ST6GALNAC3: variants seen among roughly 807,000 people sequenced by gnomAD.
ST6GALNAC3 encodes alpha-N-acetylgalactosaminide alpha-2,6-sialyltransferase 3.
Under a neutral mutation model 32.7 loss-of-function variants are expected in ST6GALNAC3, and 25 were observed. That is an observed-to-expected ratio of 0.76 (90% CI 0.56 to 1.07). The LOEUF (loss-of-function observed/expected upper bound fraction) is 1.07, where lower values mean the gene tolerates loss of function less well. Among genes scored for constraint, ST6GALNAC3 ranks in the 50% least tolerant of loss-of-function variants. ST6GALNAC3 has a pLI of 0.00. For synonymous variants in ST6GALNAC3, 129 were observed against 133.1 expected, an observed-to-expected ratio of 0.97 and a Z score of 0.21; for missense variants, 355 against 382.4, an observed-to-expected ratio of 0.93 and a Z score of 0.60.
chr1:76,328,324 G>A (rs1475719109), intron 2 of ST6GALNAC3, among the ~76,000 whole-genome samples: 1 of 152,194 alleles, frequency 6.6e-6, no homozygotes, highest in East Asian at 1.9e-4. Context: ...TAGAGGAGTT[G>A]AGATTTTTAC....
At chr1:76,451,840 G>A (rs1188621537) in intron 3 of ST6GALNAC3, among the ~76,000 whole-genome samples, 1 of 152,032 alleles carries the variant, frequency 6.6e-6, no homozygotes, top group Non-Finnish European at 1.5e-5. Context: ...CATTTTCTAG[G>A]TATACAATTA....
chr1:76,119,630 C>T (rs528578136), intron 1 of ST6GALNAC3, among the ~76,000 whole-genome samples: 2 of 152,288 alleles, frequency 1.3e-5, no homozygotes, highest in African/African-American at 4.8e-5. Context: ...CTCTATCATA[C>T]TGGATATTTC....
chr1:76,392,249 G>A (rs1172691466), intron 2 of ST6GALNAC3, among the ~76,000 whole-genome samples: 3 of 152,146 alleles, frequency 2.0e-5, no homozygotes, highest in South Asian at 4.1e-4. Context: ...ATATAAATCA[G>A]TACATTAAGT....
rs1651572696 is a variant in ST6GALNAC3, at chr1:76,158,059, G to C, written c.18+83175G>C. Among the ~76,000 whole-genome samples, 3 of 152,126 alleles carry C rather than the reference G, an allele frequency of 2.0e-5. No homozygotes were observed. The South Asian group carries it at 6.2e-4, about 31-fold the overall frequency. On this transcript the variant is annotated intron_variant, in intron 1 of 4. Transcript: ENST00000328299. The stretch of plus-strand genomic sequence containing the variant: ...TGCTGCCTATTTTCCAATGAAATGG[G>C]TCCAGGAAGCCATCTGATAAATATT...
At chr1:76,399,167 A>G (rs1256813497) in intron 2 of ST6GALNAC3, among the ~76,000 whole-genome samples, 1 of 151,958 alleles carries the variant, frequency 6.6e-6, no homozygotes, top group Admixed American at 6.6e-5. Flanking sequence ...TTCACTTTTA[A>G]TGTCTTTTGA....
rs148532606 is a variant in ST6GALNAC3, at chr1:76,504,289, A to G, written c.623+91872A>G. On this transcript the variant is annotated intron_variant, in intron 3 of 4. Coordinates refer to ENST00000328299, the MANE Select transcript of ST6GALNAC3 (RefSeq NM_152996.4). ...ATGGAATTTCCCTGTGTGTCTTTTT[A>G]TCTGTTTCTTCTTCTCTTATAAGAA... Among the ~76,000 whole-genome samples, 1,209 of 152,096 alleles carry G rather than the reference A, an allele frequency of 7.9e-3. 12 individuals carry two copies. The highest frequency in any genetic ancestry group is 0.027 in the African/African-American group (1,121 of 41,486).
At chr1:76,515,011 A>T (rs2101769130) in intron 3 of ST6GALNAC3, among the ~76,000 whole-genome samples, 1 of 152,264 alleles carries the variant, frequency 6.6e-6, no homozygotes, top group African/African-American at 2.4e-5. Context: ...CTTTGGAATC[A>T]GGGTAATGCT....
chr1:76,125,479 C>G (rs1433653782), intron 1 of ST6GALNAC3, among the ~76,000 whole-genome samples: 2 of 152,182 alleles, frequency 1.3e-5, no homozygotes, highest in African/African-American at 2.4e-5. Flanking sequence ...CCTCCTCCAC[C>G]TCTCTCCCCT....
At chr1:76,394,535 A>T (rs1413093302) in intron 2 of ST6GALNAC3, among the ~76,000 whole-genome samples, 1 of 152,186 alleles carries the variant, frequency 6.6e-6, no homozygotes, top group Non-Finnish European at 1.5e-5. Context: ...ACTATATGAT[A>T]AATTTCTTAT....
rs1169028463 is a variant in ST6GALNAC3, at chr1:76,288,076, G to A, written c.19-25729G>A. Among the ~76,000 whole-genome samples the A allele has an allele frequency of 3.3e-5, 5 of 152,308 alleles. No individual in the cohort carries two copies. The South Asian group carries it at 8.3e-4, about 25-fold the overall frequency. ...CTCTCCCACTCATCTTTGAGATGCTGATTCATTATTTGACTAAGAGGCCAG... is the reference window on the plus strand; with the variant it reads ...CTCTCCCACTCATCTTTGAGATGCTAATTCATTATTTGACTAAGAGGCCAG... On this transcript the variant is annotated intron_variant, in intron 1 of 4. Coordinates refer to ENST00000328299, the MANE Select transcript of ST6GALNAC3 (RefSeq NM_152996.4).
intron 1 of ST6GALNAC3, among the ~76,000 whole-genome samples, chr1:76,088,279 T>C (rs990330337): frequency 1.1e-4 from 16 of 152,182 alleles, no homozygotes; most frequent in Non-Finnish European, 2.1e-4. Flanking sequence ...CTTTGCCACT[T>C]TGGTGGTCTG....
At chr1:76,495,010 G>A (rs1037760010) in intron 3 of ST6GALNAC3, among the ~76,000 whole-genome samples, 1 of 152,140 alleles carries the variant, frequency 6.6e-6, no homozygotes, top group African/African-American at 2.4e-5. Context: ...TTACTCATGA[G>A]AAGGTCAGTC....
intron 1 of ST6GALNAC3, among the ~76,000 whole-genome samples, chr1:76,085,620 C>T (rs1646954746): frequency 1.3e-5 from 2 of 152,166 alleles, no homozygotes; most frequent in South Asian, 4.1e-4. Flanking sequence ...CTGGAAGGGA[C>T]GGTTGTACTA....
intron 3 of ST6GALNAC3, among the ~76,000 whole-genome samples, chr1:76,507,081 A>G (rs986500604): frequency 6.6e-6 from 1 of 152,146 alleles, no homozygotes; most frequent in East Asian, 1.9e-4. Context: ...ACTAGTCCAG[A>G]GCTATATCGC....
chr1:76,188,623 T>G (rs1653716611), intron 1 of ST6GALNAC3, among the ~76,000 whole-genome samples: 1 of 152,204 alleles, frequency 6.6e-6, no homozygotes. Context: ...TGTTTAACTT[T>G]TGACTCTCCC....
At chr1:76,318,471 C>G (rs946817957) in intron 2 of ST6GALNAC3, among the ~76,000 whole-genome samples, 14 of 152,038 alleles carry the variant, frequency 9.2e-5, no homozygotes, top group Non-Finnish European at 8.8e-5. Flanking sequence ...CACGGAGCCC[C>G]AAATTTCTCA....
At chr1:76,277,758 C>T (rs982091851) in intron 1 of ST6GALNAC3, among the ~76,000 whole-genome samples, 2 of 151,930 alleles carry the variant, frequency 1.3e-5, no homozygotes, top group Non-Finnish European at 2.9e-5. Context: ...GCATCATTTA[C>T]GTTTCCCAAT....
intron 3 of ST6GALNAC3, among the ~76,000 whole-genome samples, chr1:76,508,299 T>C (rs1349859747): frequency 6.6e-6 from 1 of 152,192 alleles, no homozygotes; most frequent in African/African-American, 2.4e-5. Flanking sequence ...GAGATGGAAC[T>C]CAGGCAGTAA....
chr1:76,483,073 C>T (rs1041818288), intron 3 of ST6GALNAC3, among the ~76,000 whole-genome samples: 1 of 152,132 alleles, frequency 6.6e-6, no homozygotes, highest in African/African-American at 2.4e-5. Context: ...TTTATGGCTG[C>T]ATATTGTTCC....
Sources: allele counts gnomAD v4.1 joint callset (sites outside exome capture counted in the v4.1 genomes callset), GRCh38; gene constraint gnomAD v4.1.1; transcripts MANE v1.5; gene names NCBI Gene and HGNC (gene_info 2026-07-23, HGNC 2026-07-21).